Variants in WDR70 observed in about 807,000 individuals in gnomAD.
WDR70 encodes WD repeat domain 70.
A neutral mutation model predicts 88.6 loss-of-function variants in WDR70; 53 were observed. The ratio of observed to expected loss-of-function variants is 0.60; its 90% CI spans 0.48 to 0.75. The LOEUF (loss-of-function observed/expected upper bound fraction) is 0.75, where lower values mean the gene tolerates loss of function less well. WDR70 is among the 30% of genes least tolerant of loss of function. WDR70 has a pLI of 0.00. For missense variants in WDR70, 610 were observed against 823.2 expected (o/e 0.74, Z 3.17); for synonymous variants, 280 against 270.0 (o/e 1.04, Z -0.36).
intron 7 of WDR70, among the ~76,000 whole-genome samples, chr5:37,448,080 A>T (rs1029552081): frequency 9.2e-5 from 14 of 152,206 alleles, no homozygotes; most frequent in African/African-American, 3.4e-4. Flanking sequence ...TGGTGGTGAT[A>T]AATGAGTTGT....
At chr5:37,662,208 T>C (rs545060191) in intron 10 of WDR70, among the ~76,000 whole-genome samples, 48 of 152,330 alleles carry the variant, frequency 3.2e-4, no homozygotes, top group African/African-American at 1.1e-3. Context: ...TTTCAGAACA[T>C]GACATACTGG....
intron 11 of WDR70, among the ~76,000 whole-genome samples, chr5:37,700,157 C>T (rs1747112400): frequency 1.3e-5 from 2 of 152,142 alleles, no homozygotes; most frequent in African/African-American, 4.8e-5. Context: ...TTACTCTCCT[C>T]ACTTGCACCT....
intron 9 of WDR70, among the ~76,000 whole-genome samples, chr5:37,566,294 T>A (rs542911990): frequency 0.014 from 1,473 of 102,424 alleles, 74 homozygotes; most frequent in Admixed American, 0.13. Flanking sequence ...AGTTTTATTT[T>A]CCTCCTGTGA....
intron 9 of WDR70, among the ~76,000 whole-genome samples, chr5:37,537,498 C>A (rs1741699806): frequency 6.6e-6 from 1 of 152,108 alleles, no homozygotes; most frequent in African/African-American, 2.4e-5. Context: ...TACTACTCCA[C>A]AAGGTTAGGA....
chr5:37,671,113 T>C (rs1746012728), intron 10 of WDR70, among the ~76,000 whole-genome samples: 1 of 152,162 alleles, frequency 6.6e-6, no homozygotes, highest in Non-Finnish European at 1.5e-5. Flanking sequence ...CATAGAATTA[T>C]TGGAATTGTT....
At chr5:37,488,502 CTTTT>C (rs113142236) in intron 8 of WDR70, among the ~76,000 whole-genome samples, 7 of 137,532 alleles carry the variant, frequency 5.1e-5, no homozygotes, top group Admixed American at 1.5e-4. Flanking sequence ...TTGTTCTTTA[CTTTT>C]TTTTTTTTTT....
intron 8 of WDR70, among the ~76,000 whole-genome samples, chr5:37,515,714 T>A (rs1242029624): frequency 6.6e-6 from 1 of 152,226 alleles, no homozygotes; most frequent in Non-Finnish European, 1.5e-5. Context: ...TATTTTGAAC[T>A]GTGTCAGAGT....
intron 8 of WDR70, among the ~76,000 whole-genome samples, chr5:37,510,021 C>G (rs975622719): frequency 1.3e-5 from 2 of 151,298 alleles, no homozygotes; most frequent in African/African-American, 4.9e-5. Context: ...GTGGTGGTCG[C>G]ACCATTGCAC....
In WDR70 at chr5:37,752,838, T is replaced by G; in HGVS notation, c.*265T>G. 1 of 310,904 alleles carries G rather than the reference T, an allele frequency of 3.2e-6. No homozygotes were observed. The highest frequency in any genetic ancestry group is 5.6e-5 in the South Asian group (1 of 17,786). 19.3% of individuals were successfully genotyped at this position (310,904 alleles called of 1,614,324 possible). A position where few individuals can be genotyped will look rare whatever the true frequency, so the allele number is the denominator to read the frequency against. On this transcript the variant is annotated 3_prime_UTR_variant, in exon 18 of 18. Coordinates refer to ENST00000265107, the MANE Select transcript of WDR70 (RefSeq NM_018034.4). ...TACTTTAGGTATTTGGAAACTTTAT[T>G]CAACAATTATTGGTCTTGTCCAGAT...
chr5:37,550,199 C>T (rs2112346986), intron 9 of WDR70, among the ~76,000 whole-genome samples: 1 of 152,280 alleles, frequency 6.6e-6, no homozygotes, highest in Non-Finnish European at 1.5e-5. Flanking sequence ...GATGGTTTTT[C>T]AGCACCAATT....
rs935865770 is a variant in WDR70 at position 37,560,054 on chromosome 5, T to C, written c.917+43464T>C. The stretch of plus-strand genomic sequence containing the variant: ...AATGTTTTTTAGAATAATTTCTTTT[T>C]GATAGCAGAATAAAATTTTGATATT... On this transcript the variant is annotated intron_variant, in intron 9 of 17. Transcript: ENST00000265107. 2.0e-5 allele frequency among the ~76,000 whole-genome samples: 3 copies of C among 152,160 alleles called. No homozygotes were observed. In the East Asian group the frequency reaches 5.8e-4, roughly 29 times the overall value.
chr5:37,591,330 A>C (rs1403914548), intron 9 of WDR70, among the ~76,000 whole-genome samples: 1 of 152,190 alleles, frequency 6.6e-6, no homozygotes, highest in East Asian at 1.9e-4. Flanking sequence ...AAAGAATTGC[A>C]GGCAATATCA....
intron 5 of WDR70, among the ~76,000 whole-genome samples, chr5:37,432,961 A>T (rs10073494): frequency 0.76 from 116,056 of 151,818 alleles, 48,237 homozygotes; most frequent in East Asian, 0.96. Context: ...CTTATATATA[A>T]GATTTGCGCA....
intron 10 of WDR70, 33 bp downstream of exon 10, chr5:37,605,271 C>T (rs775381621): frequency 3.9e-6 from 6 of 1,552,068 alleles, no homozygotes; most frequent in South Asian, 1.3e-5. Context: ...ACATGGCCAC[C>T]TTAAATCTTT....
At chr5:37,742,005 A>C (rs1274267961) in intron 17 of WDR70, among the ~76,000 whole-genome samples, 2 of 152,142 alleles carry the variant, frequency 1.3e-5, no homozygotes, top group Non-Finnish European at 2.9e-5. Flanking sequence ...CTTAGCTATC[A>C]ATGTATAGTT....
At chr5:37,432,412 G>A (rs561654260) in intron 5 of WDR70, among the ~76,000 whole-genome samples, 22 of 152,200 alleles carry the variant, frequency 1.4e-4, no homozygotes, top group Admixed American at 5.9e-4. Flanking sequence ...TCTTTGAGAC[G>A]TAGTCTCGCT....
chr5:37,600,132 A>T (rs1364116439), intron 9 of WDR70, among the ~76,000 whole-genome samples: 1 of 152,200 alleles, frequency 6.6e-6, no homozygotes, highest in Non-Finnish European at 1.5e-5. Flanking sequence ...ACTTCAAAAG[A>T]TACCATCAAG....
At chr5:37,545,377 T>G (rs973484393) in intron 9 of WDR70, among the ~76,000 whole-genome samples, 1 of 152,210 alleles carries the variant, frequency 6.6e-6, no homozygotes, top group African/African-American at 2.4e-5. Context: ...AATATACTGT[T>G]TACATTACGT....
chr5:37,402,293 T>TTTTG (rs1749219777), intron 5 of WDR70, among the ~76,000 whole-genome samples: 1 of 24,500 alleles, frequency 4.1e-5, no homozygotes, highest in Non-Finnish European at 9.3e-5. Context: ...CAGATAGTAT[T>TTTTG]TGTGTGTGTG....
Sources: allele counts gnomAD v4.1 joint callset (sites outside exome capture counted in the v4.1 genomes callset), GRCh38; gene constraint gnomAD v4.1.1; transcripts MANE v1.5; gene names NCBI Gene and HGNC (gene_info 2026-07-23, HGNC 2026-07-21).